PHACTR1: variants seen among roughly 807,000 people sequenced by gnomAD.
The protein encoded by PHACTR1 is phosphatase and actin regulator 1, also known as RPEL repeat containing 1.
In PHACTR1, 16 loss-of-function variants were observed where a neutral mutation model predicts 69.2. The ratio of observed to expected loss-of-function variants is 0.23; its 90% CI spans 0.16 to 0.35. The LOEUF is 0.35. PHACTR1 is among the 10% of genes least tolerant of loss of function. PHACTR1 has a pLI of 1.00. For synonymous variants in PHACTR1, 312 were observed against 284.5 expected (o/e 1.10, Z -0.97); for missense variants, 510 against 734.7 (o/e 0.69, Z 3.54).
At chr6:13,085,178 C>T (rs923325694) in intron 5 of PHACTR1, among the ~76,000 whole-genome samples, 2 of 151,714 alleles carry the variant, frequency 1.3e-5, no homozygotes, top group African/African-American at 4.8e-5. Context: ...GAGATCTAAA[C>T]CTAAATTTAA....
intron 4 of PHACTR1, among the ~76,000 whole-genome samples, chr6:12,849,771 T>C (rs1201339303): frequency 1.3e-5 from 2 of 152,130 alleles, no homozygotes; most frequent in Non-Finnish European, 2.9e-5. Flanking sequence ...CTTTCTTCTT[T>C]TTCCCCCAGA....
rs576509242 is a variant in PHACTR1 at position 13,287,182 on chromosome 6, G to A, written c.*104G>A. ...TTCCCCATTACGATGTAAATCTTCT[G>A]AACTGCCTTTTTTTTAAAAAGAAGA... On this transcript the variant is annotated 3_prime_UTR_variant, in exon 15 of 15. Coordinates refer to ENST00000332995, the MANE Select transcript of PHACTR1 (RefSeq NM_030948.6). The A allele has an allele frequency of 1.3e-5, 15 of 1,136,492 alleles. No individual in the cohort carries two copies. The African/African-American group carries it at 2.1e-4, about 16-fold the overall frequency. 70.4% of individuals were successfully genotyped at this position (1,136,492 alleles called of 1,614,324 possible).
intron 8 of PHACTR1, among the ~76,000 whole-genome samples, chr6:13,224,019 C>T (rs1483870239): frequency 6.6e-6 from 1 of 152,174 alleles, no homozygotes; most frequent in African/African-American, 2.4e-5. Flanking sequence ...GCCTTTTGAA[C>T]ATGTTTTGCT....
intron 10 of PHACTR1, among the ~76,000 whole-genome samples, chr6:13,268,676 A>C (rs1584326664): frequency 6.6e-6 from 1 of 152,214 alleles, no homozygotes; most frequent in Admixed American, 6.5e-5. Flanking sequence ...CAGAGCCTGG[A>C]CTAGAACCCA....
chr6:13,076,297 G>C (rs565793061), intron 5 of PHACTR1, among the ~76,000 whole-genome samples: 1 of 152,140 alleles, frequency 6.6e-6, no homozygotes, highest in Non-Finnish European at 1.5e-5. Context: ...GAAGCACAAA[G>C]TAAGTAATCC....
At chr6:12,811,253 A>G (rs1257582402) in intron 4 of PHACTR1, among the ~76,000 whole-genome samples, 1 of 152,194 alleles carries the variant, frequency 6.6e-6, no homozygotes, top group Non-Finnish European at 1.5e-5. Flanking sequence ...CTAGATTACA[A>G]TTTTCCTGGT....
intron 4 of PHACTR1, among the ~76,000 whole-genome samples, chr6:12,980,130 T>C (rs1795335533): frequency 6.6e-6 from 1 of 152,050 alleles, no homozygotes. Flanking sequence ...AAAAGGAGGG[T>C]GGCATAAGTC....
intron 7 of PHACTR1, among the ~76,000 whole-genome samples, chr6:13,202,773 G>A (rs1028586243): frequency 3.3e-5 from 5 of 152,208 alleles, no homozygotes; most frequent in South Asian, 2.1e-4. Context: ...CACCGCGCCC[G>A]CCTGCACTGA....
At chr6:13,182,497 A>C in intron 6 of PHACTR1, 22 bp from the exon 7 acceptor site, 1 of 1,612,224 alleles carries the variant, frequency 6.2e-7, no homozygotes, top group Non-Finnish European at 8.5e-7. Flanking sequence ...CTAACTCTGC[A>C]ATCTCCTTTT....
intron 10 of PHACTR1, among the ~76,000 whole-genome samples, chr6:13,263,010 G>A (rs916682190): frequency 6.6e-6 from 1 of 152,178 alleles, no homozygotes; most frequent in Admixed American, 6.5e-5. Context: ...TTCTGGAAAC[G>A]GCAGAAAGCC....
At chr6:13,118,626 G>T (rs988518991) in intron 5 of PHACTR1, among the ~76,000 whole-genome samples, 1 of 151,814 alleles carries the variant, frequency 6.6e-6, no homozygotes, top group Non-Finnish European at 1.5e-5. Flanking sequence ...CTACAGGTGC[G>T]CACAACCATG....
At chr6:13,166,040 C>T (rs1759757019) in intron 6 of PHACTR1, among the ~76,000 whole-genome samples, 1 of 152,206 alleles carries the variant, frequency 6.6e-6, no homozygotes. Flanking sequence ...CTTCATCCCT[C>T]CTACAAACTC....
At chr6:12,984,058 A>T (rs1214810552) in intron 4 of PHACTR1, among the ~76,000 whole-genome samples, 2 of 152,162 alleles carry the variant, frequency 1.3e-5, no homozygotes, top group Non-Finnish European at 2.9e-5. Flanking sequence ...TTGGGTATAT[A>T]CCCAGTAATG....
chr6:13,212,050 G>T (rs1234669382), intron 8 of PHACTR1, among the ~76,000 whole-genome samples: 2 of 152,188 alleles, frequency 1.3e-5, no homozygotes, highest in Admixed American at 6.5e-5. Flanking sequence ...CTTGTAGGTG[G>T]TGTCTTCTCT....
At chr6:13,239,939 C>G (rs1474106088) in intron 10 of PHACTR1, among the ~76,000 whole-genome samples, 1 of 152,102 alleles carries the variant, frequency 6.6e-6, no homozygotes, top group African/African-American at 2.4e-5. Flanking sequence ...TTGCGGCTGC[C>G]CCGGCAGTCT....
chr6:12,947,366 C>A (rs1443686638), intron 4 of PHACTR1, among the ~76,000 whole-genome samples: 1 of 146,914 alleles, frequency 6.8e-6, no homozygotes, highest in Non-Finnish European at 1.5e-5. Flanking sequence ...TCTGTGATGA[C>A]AACAGTTGCC....
chr6:12,857,136 G>A (rs962702320), intron 4 of PHACTR1, among the ~76,000 whole-genome samples: 2 of 152,150 alleles, frequency 1.3e-5, no homozygotes, highest in African/African-American at 4.8e-5. Flanking sequence ...TAAATCAAAT[G>A]CTCATTTTCT....
At chr6:12,736,363 C>T (rs1166738492) in intron 3 of PHACTR1, among the ~76,000 whole-genome samples, 1 of 152,088 alleles carries the variant, frequency 6.6e-6, no homozygotes, top group Admixed American at 6.5e-5. Context: ...ATATTTCTAA[C>T]TCATGTTAGA....
intron 4 of PHACTR1, among the ~76,000 whole-genome samples, chr6:12,825,795 G>A (rs745503238): frequency 4.6e-5 from 7 of 152,006 alleles, no homozygotes; most frequent in Admixed American, 1.3e-4. Context: ...ATCTGCTAGG[G>A]TACTGCCTTT....
Sources: gnomAD v4.1 joint callset for allele counts (sites outside exome capture counted in the v4.1 genomes callset) on GRCh38, gnomAD v4.1.1 for gene constraint, MANE v1.5 for transcripts, NCBI Gene and HGNC (gene_info 2026-07-23, HGNC 2026-07-21) for gene names.